The following MAD1L1 variants were observed in gnomAD, a reference collection of about 807,000 sequenced individuals.
The protein encoded by MAD1L1 is mitotic arrest deficient 1 like 1, also known as mitotic spindle assembly checkpoint protein MAD1.
Under a neutral mutation model 96.9 loss-of-function variants are expected in MAD1L1, and 95 were observed. The ratio of observed to expected loss-of-function variants is 0.98; its 90% confidence interval spans 0.83 to 1.16. The LOEUF (loss-of-function observed/expected upper bound fraction) is 1.16. Among genes scored for constraint, MAD1L1 ranks in the 50% most tolerant of loss-of-function variants. The pLI, the probability that MAD1L1 is intolerant of heterozygous loss-of-function variation, is 0.00. For synonymous variants in MAD1L1, 473 were observed against 396.6 expected (o/e 1.19, Z -2.29); for missense variants, 1,007 against 954.4 (o/e 1.06, Z -0.73).
At position 1,908,900 on chromosome 7, in the gene MAD1L1, C is replaced by A. The variant is rs190041403; in HGVS notation, c.1808-10510G>T. Among the ~76,000 whole-genome samples the A allele has an allele frequency of 5.5e-4, 84 of 152,346 alleles. 3 individuals carry two copies. In the East Asian group the frequency reaches 0.016, roughly 28 times the overall value. ...CTATTTCCCACCTCTCGTTAGATGTCTCCCTGGCGGCGGCTGGGCGCCTGG... is the reference window on the plus strand; with the variant it reads ...CTATTTCCCACCTCTCGTTAGATGTATCCCTGGCGGCGGCTGGGCGCCTGG... On this transcript the variant is annotated intron_variant, in intron 17 of 18. Coordinates refer to ENST00000265854, the MANE Select transcript of MAD1L1 (RefSeq NM_001013836.2).
At chr7:1,863,266 C>T (rs1002763593) in intron 18 of MAD1L1, among the ~76,000 whole-genome samples, 1 of 152,212 alleles carries the variant, frequency 6.6e-6, no homozygotes, top group Non-Finnish European at 1.5e-5. Flanking sequence ...TCATCAGGCC[C>T]GAGAGGGCAG....
In MAD1L1 at chr7:2,230,117, T is replaced by C; in HGVS notation, c.17A>G (p.Glu6Gly). ...CAGGGTGGATAAAACCATGGTGTTT[T>C]CCCCCAGGTCTTCCATGGTTGCTTT... Reference protein sequence around the residue: MEDLGENTMVLSTLRS... With the variant: MEDLGGNTMVLSTLRS... The change falls in exon 3 of 19, where the codon GAA becomes GGA. Residue 6 changes from glutamate (E) to glycine (G), a missense_variant. Transcript: ENST00000265854. The C allele has an allele frequency of 1.3e-6, 2 of 1,598,252 alleles. No individual in the cohort carries two copies. Among genetic ancestry groups the C allele is most frequent in the Non-Finnish European group, 1.7e-6 (2 of 1,172,218 alleles).
chr7:1,925,974 AAGG>A (rs1445120158), intron 17 of MAD1L1, among the ~76,000 whole-genome samples: 1 of 152,206 alleles, frequency 6.6e-6, no homozygotes, highest in Non-Finnish European at 1.5e-5. Context: ...CTAGGTCTCT[AAGG>A]AGATCAGTGA....
At chr7:1,916,992 C>G (rs1391362933) in intron 17 of MAD1L1, among the ~76,000 whole-genome samples, 6 of 151,980 alleles carry the variant, frequency 3.9e-5, no homozygotes, top group Admixed American at 3.9e-4. Flanking sequence ...CCAGTGTCCT[C>G]CAGTCATCAC....
chr7:1,874,581 T>C lies in MAD1L1; in HGVS notation c.1998+23619A>G, dbSNP rs531558951. On this transcript the variant is annotated intron_variant, in intron 18 of 18. Coordinates refer to ENST00000265854, the MANE Select transcript of MAD1L1 (RefSeq NM_001013836.2). ...AAATAAAAGCGCTGTTGAGTGGCTC[T>C]CACCTATCAGCATTACCCAGAGGCA... 10 of 452,470 alleles carry C rather than the reference T, an allele frequency of 2.2e-5. No homozygotes were observed. In the East Asian group the frequency reaches 4.2e-4, roughly 19 times the overall value. The allele number at this position is 452,470 out of a possible 1,614,324, so 28.0% of individuals were successfully genotyped here. A position where few individuals can be genotyped will look rare whatever the true frequency, so the allele number is the denominator to read the frequency against.
intron 10 of MAD1L1, among the ~76,000 whole-genome samples, chr7:2,168,042 T>C (rs1283542737): frequency 6.6e-6 from 1 of 152,178 alleles, no homozygotes; most frequent in Admixed American, 6.5e-5. Flanking sequence ...CCCAGCACTT[T>C]GGGAGGCCGA....
chr7:1,961,996 G>A (rs189020049), intron 15 of MAD1L1, among the ~76,000 whole-genome samples: 416 of 150,808 alleles, frequency 2.8e-3, no homozygotes, highest in Non-Finnish European at 4.6e-3. Flanking sequence ...TACCATTCTC[G>A]TGTGTTGTGG....
At chr7:2,101,920 C>T (rs1437640214) in intron 11 of MAD1L1, among the ~76,000 whole-genome samples, 4 of 152,142 alleles carry the variant, frequency 2.6e-5, no homozygotes, top group Non-Finnish European at 5.9e-5. Flanking sequence ...CAGTCCAGTG[C>T]ACACAGGGGG....
chr7:2,039,945 CAAAAACAATAA>C (rs1412642785), intron 12 of MAD1L1, among the ~76,000 whole-genome samples: 1 of 151,936 alleles, frequency 6.6e-6, no homozygotes, highest in Non-Finnish European at 1.5e-5. Context: ...ATAAAGAACA[CAAAAACAATAA>C]AAGAAATCGG....
rs1398716338 is a variant in MAD1L1, at chr7:1,908,112, CT to C, written c.1808-9723del. Among the ~76,000 whole-genome samples, 2 of 152,218 alleles carry C rather than the reference CT, an allele frequency of 1.3e-5. 1 individual carries two copies. The highest frequency in any genetic ancestry group is 3.9e-4 in the East Asian group (2 of 5,188). On this transcript the variant is annotated intron_variant, in intron 17 of 18. Coordinates refer to ENST00000265854, the MANE Select transcript of MAD1L1 (RefSeq NM_001013836.2). Reference sequence around the variant, plus strand: ...ATGTAGCACAGCCTGGGCACAGCACCTTTCCCAGCTCAAAGGTTGGGATTCC... The same window carrying C: ...ATGTAGCACAGCCTGGGCACAGCACCTTCCCAGCTCAAAGGTTGGGATTCC...
At chr7:2,102,982 C>G (rs1254527839) in intron 11 of MAD1L1, among the ~76,000 whole-genome samples, 1 of 152,198 alleles carries the variant, frequency 6.6e-6, no homozygotes, top group East Asian at 1.9e-4. Context: ...GGCACTGTCC[C>G]CTCTCAGGAC....
intron 17 of MAD1L1, among the ~76,000 whole-genome samples, chr7:1,910,008 G>A (rs974661560): frequency 6.6e-6 from 1 of 152,210 alleles, no homozygotes; most frequent in Non-Finnish European, 1.5e-5. Flanking sequence ...ACTTACTCCA[G>A]CAAGCAGCTT....
At chr7:2,228,753 T>C (rs1794042591) in intron 3 of MAD1L1, among the ~76,000 whole-genome samples, 1 of 151,990 alleles carries the variant, frequency 6.6e-6, no homozygotes, top group South Asian at 2.1e-4. Flanking sequence ...TTCTTTTTTT[T>C]TTTTTGAGAC....
In MAD1L1 at chr7:2,142,931, C is replaced by T. The variant is rs1485802753; in HGVS notation, c.1073+6221G>A. On this transcript the variant is annotated intron_variant, in intron 11 of 18. Transcript: ENST00000265854. The surrounding 1 kb of genome is among the most constrained non-coding windows in gnomAD (Gnocchi z 4.7). ...ACCTTGACCTCCCAGATGCCCCCAC[C>T]GCCTAACCCGTCTGATCATCACCAC... Among the ~76,000 whole-genome samples, 3 of 152,204 alleles carry T rather than the reference C, an allele frequency of 2.0e-5. No homozygotes were observed. The highest frequency in any genetic ancestry group is 1.9e-4 in the East Asian group (1 of 5,194).
rs1279803888 is a variant in MAD1L1 at position 1,893,153 on chromosome 7, G to A, written c.1998+5047C>T. 3.9e-5 allele frequency among the ~76,000 whole-genome samples: 6 copies of A among 152,278 alleles called. No homozygotes were observed. In the East Asian group the frequency reaches 9.7e-4, roughly 25 times the overall value. Reference sequence around the variant, plus strand: ...AGAGGAGCAGAGGCAGCAGGTTCCCGCTGGGAAGAGCTGGAGCTGAGATTT... The same window carrying A: ...AGAGGAGCAGAGGCAGCAGGTTCCCACTGGGAAGAGCTGGAGCTGAGATTT... On this transcript the variant is annotated intron_variant, in intron 18 of 18. Transcript: ENST00000265854.
intron 14 of MAD1L1, among the ~76,000 whole-genome samples, chr7:1,997,603 C>A (rs1781613806): frequency 6.6e-6 from 1 of 152,272 alleles, no homozygotes; most frequent in African/African-American, 2.4e-5. Context: ...CCCCTTCAGA[C>A]AGGAACATGC....
chr7:1,995,704 C>A (rs1879846), intron 14 of MAD1L1, among the ~76,000 whole-genome samples: 1 of 152,186 alleles, frequency 6.6e-6, no homozygotes, highest in Non-Finnish European at 1.5e-5. Context: ...TGCACACCAG[C>A]GCGCGCGGGG....
intron 18 of MAD1L1, among the ~76,000 whole-genome samples, chr7:1,862,022 A>G (rs992385587): frequency 3.3e-5 from 5 of 152,154 alleles, no homozygotes; most frequent in African/African-American, 1.2e-4. Context: ...CAGAGTGACT[A>G]GAGAAGTGAG....
chr7:1,933,919 C>T (rs1042526483), intron 17 of MAD1L1, among the ~76,000 whole-genome samples: 2 of 152,204 alleles, frequency 1.3e-5, no homozygotes, highest in Admixed American at 6.5e-5. Context: ...GTAACTCAGG[C>T]GGGTTCTCAG....
Sources: allele counts gnomAD v4.1 joint callset (sites outside exome capture counted in the v4.1 genomes callset), GRCh38; gene constraint gnomAD v4.1.1; non-coding constraint Gnocchi (gnomAD v3.1); transcripts MANE v1.5; gene names NCBI Gene and HGNC (gene_info 2026-07-23, HGNC 2026-07-21).